GPC6: variants seen among roughly 807,000 people sequenced by gnomAD.
GPC6 encodes the protein glypican 6.
GPC6 carries 14 observed loss-of-function variants against 55.2 expected under a neutral mutation model. That is an observed-to-expected ratio of 0.25 (90% confidence interval 0.17 to 0.40). The LOEUF is 0.40. Ranked by LOEUF, GPC6 falls within the 10% of genes least tolerant of loss-of-function variation. The pLI, the probability that GPC6 is intolerant of heterozygous loss-of-function variation, is 1.00. For synonymous variants in GPC6, 278 were observed against 259.6 expected, an observed-to-expected ratio of 1.07 and a Z score of -0.68; for missense variants, 641 against 708.5, an observed-to-expected ratio of 0.90 and a Z score of 1.08.
At chr13:93,644,766 GTAAATAAA>G (rs58920250) in intron 2 of GPC6, among the ~76,000 whole-genome samples, 11,886 of 143,122 alleles carry the variant, frequency 0.083, 830 homozygotes, top group African/African-American at 0.19. Flanking sequence ...GCCATCAAGA[GTAAATAAA>G]TAAATAAATA....
chr13:94,266,351 G>A (rs1394302822), intron 4 of GPC6, among the ~76,000 whole-genome samples: 1 of 152,012 alleles, frequency 6.6e-6, no homozygotes, highest in Non-Finnish European at 1.5e-5. Flanking sequence ...TGTATTTTTA[G>A]TAGAGACGGG....
intron 4 of GPC6, among the ~76,000 whole-genome samples, chr13:94,277,644 C>T (rs1363817759): frequency 3.3e-5 from 5 of 152,140 alleles, no homozygotes; most frequent in African/African-American, 1.2e-4. Flanking sequence ...CAGTTTTCTG[C>T]ATGTGGCTAG....
chr13:93,508,965 G>A (rs1318024099), intron 1 of GPC6, among the ~76,000 whole-genome samples: 1 of 152,200 alleles, frequency 6.6e-6, no homozygotes, highest in South Asian at 2.1e-4. Flanking sequence ...AGACCTGTAA[G>A]CAGGGGAGCT....
chr13:93,746,185 G>A (rs755504790), intron 2 of GPC6, among the ~76,000 whole-genome samples: 1 of 152,176 alleles, frequency 6.6e-6, no homozygotes, highest in African/African-American at 2.4e-5. Flanking sequence ...GCAAGTCAGG[G>A]TGATTCCAAC....
intron 3 of GPC6, among the ~76,000 whole-genome samples, chr13:93,923,307 A>G (rs559276001): frequency 1.1e-4 from 17 of 152,196 alleles, no homozygotes; most frequent in Admixed American, 3.3e-4. Flanking sequence ...AGAATCATAG[A>G]AAGGCAGTAA....
In GPC6 at chr13:94,379,058, A is replaced by C. The variant is rs577004279; in HGVS notation, c.1153-3356A>C. ...TGCACTTAAGTTTCCAGGAAAAAAA[A>C]CCAAAAAAACAAAAAAACAAAAACC... On this transcript the variant is annotated intron_variant, in intron 6 of 8. Transcript: ENST00000377047. Among the ~76,000 whole-genome samples the C allele has an allele frequency of 5.3e-5, 8 of 152,266 alleles. 1 individual carries two copies. The highest frequency in any genetic ancestry group is 4.1e-4 in the South Asian group (2 of 4,828).
At chr13:94,151,916 A>G (rs1479537921) in intron 4 of GPC6, among the ~76,000 whole-genome samples, 5 of 152,274 alleles carry the variant, frequency 3.3e-5, no homozygotes, top group East Asian at 1.9e-4. Context: ...TTTGTTGGCT[A>G]TAGACATTCC....
chr13:94,404,194 G>C lies in GPC6; in HGVS notation c.*977G>C, dbSNP rs1373698494. 6.6e-6 allele frequency: 1 copy of C among 151,898 alleles called. No individual in the cohort carries two copies. The highest frequency in any genetic ancestry group is 2.4e-5 in the African/African-American group (1 of 41,356). The allele number at this position is 151,898 out of a possible 1,614,324, so 9.4% of individuals were successfully genotyped here. A position where few individuals can be genotyped will look rare whatever the true frequency, so the allele number is the denominator to read the frequency against. ...TTTTTAATGAATTGAAACACAATTA[G>C]ATCCATTCCTGAGTTTTCATTTTTA... is the stretch of plus-strand genomic sequence containing the variant. On this transcript the variant is annotated 3_prime_UTR_variant, in exon 9 of 9. Transcript: ENST00000377047.
intron 2 of GPC6, among the ~76,000 whole-genome samples, chr13:93,766,045 A>G (rs1010629242): frequency 9.2e-5 from 14 of 152,188 alleles, no homozygotes; most frequent in African/African-American, 3.1e-4. Context: ...CTCAAGTCAT[A>G]CCATGGGTGT....
intron 1 of GPC6, among the ~76,000 whole-genome samples, chr13:93,537,637 C>T (rs112391158): frequency 0.013 from 2,028 of 152,122 alleles, 42 homozygotes; most frequent in African/African-American, 0.045. Flanking sequence ...AAAATCATTA[C>T]TTAGATATAT....
chr13:93,298,847 C>G (rs1878582790), intron 1 of GPC6, among the ~76,000 whole-genome samples: 1 of 151,238 alleles, frequency 6.6e-6, no homozygotes, highest in Non-Finnish European at 1.5e-5. Context: ...TTTCTCTGAT[C>G]AAAGCAGATG....
rs368681213 is a variant in GPC6, at chr13:93,522,062, A to C, written c.161-23201A>C. Among the ~76,000 whole-genome samples, 90 of 152,074 alleles carry C rather than the reference A, an allele frequency of 5.9e-4. 1 individual carries two copies. The South Asian group carries it at 0.018, about 30-fold the overall frequency. On this transcript the variant is annotated intron_variant, in intron 1 of 8. Transcript: ENST00000377047. ...TTATCTTAAATTTATATTTTAGATA[A>C]AAGTGTGACAGACTTTGAAACAAGT...
At chr13:94,108,176 G>A (rs1186523530) in intron 4 of GPC6, among the ~76,000 whole-genome samples, 2 of 152,218 alleles carry the variant, frequency 1.3e-5, no homozygotes, top group Middle Eastern at 3.4e-3. Context: ...AGAAACTGTG[G>A]TATATATGTA....
At chr13:93,741,449 G>A (rs139966262) in intron 2 of GPC6, among the ~76,000 whole-genome samples, 27 of 152,166 alleles carry the variant, frequency 1.8e-4, no homozygotes, top group African/African-American at 5.1e-4. Flanking sequence ...TACAAGACAT[G>A]GAGTCACAGG....
intron 1 of GPC6, among the ~76,000 whole-genome samples, chr13:93,495,621 T>G (rs1880233180): frequency 9.7e-6 from 1 of 102,732 alleles, no homozygotes; most frequent in East Asian, 6.9e-4. Flanking sequence ...AGTTTCCAGT[T>G]TTTCTGTTCT....
chr13:94,213,427 A>G (rs1890141327), intron 4 of GPC6, among the ~76,000 whole-genome samples: 1 of 152,232 alleles, frequency 6.6e-6, no homozygotes, highest in Non-Finnish European at 1.5e-5. Context: ...CTACATAACA[A>G]AGTACTCCAA....
chr13:93,704,704 G>A (rs1464945835), intron 2 of GPC6, among the ~76,000 whole-genome samples: 1 of 151,906 alleles, frequency 6.6e-6, no homozygotes. Flanking sequence ...GTTGGCACAT[G>A]CACAATGTAA....
At chr13:93,953,852 T>C (rs1475462125) in intron 3 of GPC6, among the ~76,000 whole-genome samples, 1 of 152,220 alleles carries the variant, frequency 6.6e-6, no homozygotes, top group Non-Finnish European at 1.5e-5. Context: ...AATATTGTTT[T>C]TCTTCTATTC....
intron 1 of GPC6, among the ~76,000 whole-genome samples, chr13:93,520,826 A>AAACTATATAGACG (rs1358931511): frequency 6.6e-6 from 1 of 151,706 alleles, no homozygotes; most frequent in African/African-American, 2.4e-5. Flanking sequence ...TACTATAGAC[A>AAACTATATAGACG]AACTATATAT....
Sources: allele counts gnomAD v4.1 joint callset (sites outside exome capture counted in the v4.1 genomes callset), GRCh38; gene constraint gnomAD v4.1.1; transcripts MANE v1.5; gene names NCBI Gene and HGNC (gene_info 2026-07-23, HGNC 2026-07-21).